MEP1B: variants seen among roughly 807,000 people sequenced by gnomAD.
MEP1B encodes the protein N-benzoyl-L-tyrosyl-P-amino-benzoic acid hydrolase subunit beta.
MEP1B carries 80 observed loss-of-function variants against 84.6 expected under a neutral mutation model. That is an observed-to-expected ratio of 0.95 (90% CI 0.79 to 1.14). MEP1B has a LOEUF of 1.14. Among genes scored for constraint, MEP1B ranks in the 50% most tolerant of loss-of-function variants. The probability of loss-of-function intolerance (pLI) is 0.00; values close to 1 mark genes in which losing one functional copy is unlikely to be tolerated. For synonymous variants in MEP1B, 273 were observed against 288.1 expected (o/e 0.95, Z 0.53); for missense variants, 766 against 855.1 (o/e 0.90, Z 1.30).
intron 6 of MEP1B, among the ~76,000 whole-genome samples, chr18:32,203,921 G>GCA (rs1386855371): frequency 1.3e-5 from 2 of 152,156 alleles, no homozygotes; most frequent in African/African-American, 4.8e-5. Flanking sequence ...ACCAAGCCAT[G>GCA]TGTGGTTCGT....
intron 7 of MEP1B, 67 bp from the exon 8 acceptor site, chr18:32,207,185 C>A: frequency 1.0e-6 from 1 of 1,000,328 alleles, no homozygotes; most frequent in Non-Finnish European, 1.5e-6. Context: ...TCTAAGTGAG[C>A]AGTATTTGGA....
intron 12 of MEP1B, among the ~76,000 whole-genome samples, chr18:32,215,508 A>C (rs1324165055): frequency 6.6e-6 from 1 of 152,172 alleles, no homozygotes; most frequent in Non-Finnish European, 1.5e-5. Context: ...GGAAACCTTT[A>C]GGTTGGGAAA....
In MEP1B at chr18:32,206,553, C is replaced by T. The variant is rs763866680; in HGVS notation, c.548-699C>T. ...CAGGCAATCCTCCCACCTCAGCCTCCGGAGTAGCTGGGACTACAGGCATGC... is the reference window on the plus strand; with the variant it reads ...CAGGCAATCCTCCCACCTCAGCCTCTGGAGTAGCTGGGACTACAGGCATGC... On this transcript the variant is annotated intron_variant, in intron 7 of 14. Coordinates refer to ENST00000269202, the MANE Select transcript of MEP1B (RefSeq NM_005925.3). 7.9e-5 allele frequency among the ~76,000 whole-genome samples: 12 copies of T among 152,016 alleles called. No individual in the cohort carries two copies. In the South Asian group the frequency reaches 8.3e-4, roughly 11 times the overall value.
At chr18:32,214,614 G>C (rs1465669651) in intron 11 of MEP1B, among the ~76,000 whole-genome samples, 9 of 152,172 alleles carry the variant, frequency 5.9e-5, no homozygotes, top group African/African-American at 2.2e-4. Flanking sequence ...GAAGCACTTT[G>C]CTCTGTTAGG....
rs1226248254 is a variant in MEP1B, at chr18:32,215,181, G to C, written c.1679G>C (p.Ser560Thr). 47 of 1,612,476 alleles carry C rather than the reference G, an allele frequency of 2.9e-5. No homozygotes were observed. Among genetic ancestry groups the C allele is most frequent in the Non-Finnish European group, 3.8e-5 (45 of 1,179,070 alleles). The change falls in exon 12 of 15, where the codon AGT (serine) becomes ACT (threonine). Residue 560 changes from serine to threonine, a missense_variant. Physicochemically the swap from Ser to Thr is moderately conservative, Grantham distance 58. Transcript: ENST00000269202. Reference sequence around the variant, plus strand: ...AGAAGAGGTGGGGGCTATGGAACCAGTGCCTTTATAACCCACGAAAGGCTG... The same window carrying C: ...AGAAGAGGTGGGGGCTATGGAACCACTGCCTTTATAACCCACGAAAGGCTG... ...QFRRGGGYGT[S>T]AFITHERLKS... is the part of the protein sequence containing the mutation.
rs772051646 is a variant in MEP1B, at chr18:32,190,136, A to C, written c.63+3A>C. 6.2e-7 allele frequency: 1 copy of C among 1,611,038 alleles called. No homozygotes were observed. The highest frequency in any genetic ancestry group is 8.5e-7 in the Non-Finnish European group (1 of 1,177,824). On this transcript the variant is annotated splice_donor_region_variant and intron_variant, in intron 1 of 14. Transcript: ENST00000269202. The stretch of plus-strand genomic sequence containing the variant: ...CTCTTCTCGTGATTTCTGGCTTGGT[A>C]AGGAAACAGTATATAGAAGATAATT...
At chr18:32,206,889 C>G (rs1013623740) in intron 7 of MEP1B, among the ~76,000 whole-genome samples, 2 of 152,136 alleles carry the variant, frequency 1.3e-5, no homozygotes, top group African/African-American at 4.8e-5. Context: ...GGATTACAGG[C>G]GTGAGCCACC....
intron 1 of MEP1B, among the ~76,000 whole-genome samples, 181 bp from the exon 2 acceptor site, chr18:32,191,641 A>G (rs1033985853): frequency 2.6e-5 from 4 of 151,990 alleles, no homozygotes; most frequent in Non-Finnish European, 4.4e-5. Context: ...AAATGAGAAG[A>G]CCCTTTGGTC....
At chr18:32,195,386 T>G (rs766786820) in intron 4 of MEP1B, 21 bp from the exon 5 acceptor site, 4 of 1,535,294 alleles carry the variant, frequency 2.6e-6, no homozygotes, top group Admixed American at 1.7e-5. Flanking sequence ...TAACTAGCCC[T>G]TTTGCATTTA....
chr18:32,208,365 C>G (rs1234956075), intron 9 of MEP1B, 94 bp downstream of exon 9: 3 of 1,249,278 alleles, frequency 2.4e-6, no homozygotes, highest in Non-Finnish European at 3.2e-6. Flanking sequence ...TAATTTCTAT[C>G]AGAATTATTA....
intron 5 of MEP1B, among the ~76,000 whole-genome samples, chr18:32,202,280 G>T (rs912402900): frequency 4.6e-5 from 7 of 152,094 alleles, no homozygotes; most frequent in African/African-American, 1.7e-4. Flanking sequence ...TTCTTTTCCT[G>T]CATGTTGTTT....
chr18:32,214,435 C>T (rs1229743439), intron 11 of MEP1B, among the ~76,000 whole-genome samples: 1 of 152,156 alleles, frequency 6.6e-6, no homozygotes, highest in Non-Finnish European at 1.5e-5. Flanking sequence ...CCAACTTAAT[C>T]TCATAGGAAA....
intron 5 of MEP1B, among the ~76,000 whole-genome samples, chr18:32,195,840 T>C (rs748472172): frequency 6.6e-6 from 1 of 152,130 alleles, no homozygotes; most frequent in Non-Finnish European, 1.5e-5. Flanking sequence ...AAAACATCTT[T>C]TGGAGAGCAG....
intron 12 of MEP1B, among the ~76,000 whole-genome samples, chr18:32,215,497 C>T (rs946558746): frequency 7.2e-5 from 11 of 152,206 alleles, no homozygotes; most frequent in Admixed American, 5.9e-4. Context: ...GAAGCTATAG[C>T]GGAAACCTTT....
Position 32,196,361 on chromosome 18 carries a change from G to A in MEP1B, c.250+876G>A, listed in dbSNP as rs1025509826. 1 of 701,580 alleles carries A rather than the reference G, an allele frequency of 1.4e-6. No individual in the cohort carries two copies. Among genetic ancestry groups the A allele is most frequent in the African/African-American group, 1.8e-5 (1 of 57,132 alleles). 43.5% of individuals were successfully genotyped at this position (701,580 alleles called of 1,614,324 possible). A position where few individuals can be genotyped will look rare whatever the true frequency, so the allele number is the denominator to read the frequency against. The stretch of plus-strand genomic sequence containing the variant: ...GCGCGCCGCAGGGCCACGGCCAGCT[G>A]GGTCAGGCACTTGAGGTACTCAGAG... On this transcript the variant is annotated intron_variant, in intron 5 of 14. Transcript: ENST00000269202. This position sits in a 1 kb window ranked among gnomAD's most constrained non-coding sequence, Gnocchi z 4.4.
chr18:32,217,919 A>G lies in MEP1B; in HGVS notation c.2045A>G (p.Tyr682Cys). 6.2e-7 allele frequency: 1 copy of G among 1,614,028 alleles called. No individual in the cohort carries two copies. The highest frequency in any genetic ancestry group is 1.1e-5 in the South Asian group (1 of 91,088). Residue 682 changes from tyrosine to cysteine, a missense_variant, in exon 14 of 15, where the codon TAT becomes TGT. Physicochemically the swap from Tyr to Cys is radical, Grantham distance 194 (BLOSUM62 -2). Coordinates refer to ENST00000269202, the MANE Select transcript of MEP1B (RefSeq NM_005925.3). ...LVSVYCTRKK[Y>C]RERMSSNRPN... ...AGTGTCTATTGCACCAGGAAGAAAT[A>G]TCGTGAAAGGATGAGCTCAAATCGA...
At chr18:32,197,622 G>C (rs1053514529) in intron 5 of MEP1B, among the ~76,000 whole-genome samples, 2 of 152,118 alleles carry the variant, frequency 1.3e-5, no homozygotes, top group Admixed American at 6.5e-5. Context: ...CTTTCACCAT[G>C]TCGTACAGGC....
chr18:32,218,491 A>T (rs2041116994), intron 14 of MEP1B, among the ~76,000 whole-genome samples: 1 of 152,182 alleles, frequency 6.6e-6, no homozygotes, highest in Non-Finnish European at 1.5e-5. Context: ...TGCCTCAAAA[A>T]ATCTCTAGAA....
At chr18:32,213,015 G>C (rs1011807731) in intron 10 of MEP1B, 101 bp from the exon 11 acceptor site, 57 of 1,060,214 alleles carry the variant, frequency 5.4e-5, no homozygotes, top group Non-Finnish European at 7.0e-5. Context: ...GAAATAAATC[G>C]GTTTTGGATG....
Sources: allele counts gnomAD v4.1 joint callset (sites outside exome capture counted in the v4.1 genomes callset), GRCh38; gene constraint gnomAD v4.1.1; non-coding constraint Gnocchi (gnomAD v3.1); transcripts MANE v1.5; gene names NCBI Gene and HGNC (gene_info 2026-07-23, HGNC 2026-07-21).